The following DIXDC1 variants were observed in gnomAD, a reference collection of about 807,000 sequenced individuals.
DIXDC1 encodes the protein dixin.
In DIXDC1, 64 loss-of-function variants were observed where a neutral mutation model predicts 103.1. That is an observed-to-expected ratio of 0.62 (90% CI 0.51 to 0.76). The LOEUF (loss-of-function observed/expected upper bound fraction) is 0.76, where lower values mean the gene tolerates loss of function less well. Ranked by LOEUF, DIXDC1 falls within the 30% of genes least tolerant of loss-of-function variation. DIXDC1 has a pLI of 0.00. For synonymous variants in DIXDC1, 266 were observed against 298.5 expected (o/e 0.89, Z 1.12); for missense variants, 759 against 834.2 (o/e 0.91, Z 1.11).
In DIXDC1 at chr11:112,017,540, G is replaced by A; in HGVS notation, c.1863-237G>A. The A allele has an allele frequency of 3.6e-6, 1 of 276,538 alleles. No individual in the cohort carries two copies. Among genetic ancestry groups the A allele is most frequent in the Non-Finnish European group, 6.8e-6 (1 of 146,828 alleles). 17.1% of individuals were successfully genotyped at this position (276,538 alleles called of 1,614,324 possible). ...AGAGAAAAGTGATTTGGCTTCTGAA[G>A]CAATAAGTCAATTTTAAATTCTCAC... On this transcript the variant is annotated intron_variant, in intron 18 of 19. Coordinates refer to ENST00000440460, the MANE Select transcript of DIXDC1 (RefSeq NM_001037954.4). This position sits in a 1 kb window ranked among gnomAD's most constrained non-coding sequence, Gnocchi z 4.0.
At chr11:111,967,614 A>G (rs1859781206) in intron 2 of DIXDC1, among the ~76,000 whole-genome samples, 1 of 152,224 alleles carries the variant, frequency 6.6e-6, no homozygotes, top group African/African-American at 2.4e-5. Context: ...TTATTTTTGT[A>G]GAGACGGGGT....
intron 3 of DIXDC1, among the ~76,000 whole-genome samples, chr11:111,969,858 C>T (rs1281145997): frequency 2.0e-5 from 3 of 152,084 alleles, no homozygotes; most frequent in African/African-American, 7.2e-5. Context: ...TACTGGCAGT[C>T]CTAGCCAGAG....
chr11:111,954,596 T>C (rs1555170391), intron 1 of DIXDC1, among the ~76,000 whole-genome samples: 1 of 152,212 alleles, frequency 6.6e-6, no homozygotes, highest in Non-Finnish European at 1.5e-5. Flanking sequence ...TGAGCATATA[T>C]GGATTTGGTA....
At chr11:111,938,841 C>A (rs1966310318) in intron 1 of DIXDC1, among the ~76,000 whole-genome samples, 1 of 152,222 alleles carries the variant, frequency 6.6e-6, no homozygotes, top group African/African-American at 2.4e-5. Flanking sequence ...AGGGGTGTCA[C>A]AACCTTCACT....
intron 1 of DIXDC1, among the ~76,000 whole-genome samples, chr11:111,956,863 T>G (rs891065410): frequency 6.6e-6 from 1 of 151,840 alleles, no homozygotes; most frequent in African/African-American, 2.4e-5. Context: ...TATACTGATA[T>G]AAATAAATAA....
chr11:111,993,558 C>G lies in DIXDC1; in HGVS notation c.1335C>G (p.Leu445=). Residue 445 remains leucine, a synonymous_variant, in exon 13 of 20, where the codon CTC becomes CTG. Coordinates refer to ENST00000440460, the MANE Select transcript of DIXDC1 (RefSeq NM_001037954.4). ...ACCAGGCCAAGTTAGAAGAAGCACT[C>G]CGGAAACTCTCTGATGTCAGTTACC... ...QQHQAKLEEA[L]RKLSDVSYHQ... 6 of 1,614,008 alleles carry G rather than the reference C, an allele frequency of 3.7e-6. No individual in the cohort carries two copies. The highest frequency in any genetic ancestry group is 5.1e-6 in the Non-Finnish European group (6 of 1,179,888).
intron 17 of DIXDC1, 144 bp downstream of exon 17, chr11:111,996,290 G>C (rs1860896655): frequency 1.5e-6 from 1 of 686,416 alleles, no homozygotes; most frequent in African/African-American, 1.8e-5. Flanking sequence ...TACTGCAATT[G>C]AGTTAGTTCT....
chr11:111,941,612 T>A (rs1475692893), intron 1 of DIXDC1, among the ~76,000 whole-genome samples: 2 of 151,604 alleles, frequency 1.3e-5, no homozygotes, highest in East Asian at 3.9e-4. Context: ...GCCCGGGAGT[T>A]CAAGACCAGC....
At chr11:111,984,054 A>G (rs1161391430) in intron 7 of DIXDC1, among the ~76,000 whole-genome samples, 2 of 152,140 alleles carry the variant, frequency 1.3e-5, no homozygotes, top group Non-Finnish European at 2.9e-5. Flanking sequence ...ACCTGTTGCC[A>G]TGACTGGTGA....
Position 111,974,982 on chromosome 11 carries a change from A to G in DIXDC1, c.655A>G (p.Ser219Gly), listed in dbSNP as rs782641618. The G allele has an allele frequency of 2.5e-6, 4 of 1,610,056 alleles. No individual in the cohort carries two copies. The highest frequency in any genetic ancestry group is 3.4e-6 in the Non-Finnish European group (4 of 1,178,514). The change falls in exon 5 of 20, where the codon AGC becomes GGC. Residue 219 changes from serine (S) to glycine (G), a missense_variant and splice_region_variant. This residue lies in a region of DIXDC1 where 657 missense variants were observed against 727.5 expected (regional missense o/e 0.90). Transcript: ENST00000440460. ...QRSPSESSCSSLTSPSPIHSA... is the reference protein window; with the variant it reads ...QRSPSESSCSGLTSPSPIHSA... ...GTCCCCGTCTGAATCCAGCTGCTCC[A>G]GGTAACTGTGGCCTCTGAAACCTGA...
Position 111,967,579 on chromosome 11 carries a change from C to T in DIXDC1, c.191-934C>T, listed in dbSNP as rs139679085. Among the ~76,000 whole-genome samples the T allele has an allele frequency of 1.2e-3, 185 of 152,312 alleles. 1 individual carries two copies. The highest frequency in any genetic ancestry group is 3.9e-3 in the African/African-American group (162 of 41,566). On this transcript the variant is annotated intron_variant, in intron 2 of 19. Coordinates refer to ENST00000440460, the MANE Select transcript of DIXDC1 (RefSeq NM_001037954.4). ...TTCCTCTCTCCATAGTCTATTTCCA[C>T]GCAGAGTCCATTTTATTTATTTTAT... is the stretch of plus-strand genomic sequence containing the variant.
chr11:111,936,500 TTTAGCAGTTATTTTA>T (rs1966189927), upstream of DIXDC1, among the ~76,000 whole-genome samples: 1 of 152,218 alleles, frequency 6.6e-6, no homozygotes. Context: ...GGTTGTATAT[TTTAGCAGTTATTTTA>T]TAAAGAATGA....
chr11:111,995,321 A>G, intron 15 of DIXDC1, 82 bp from the exon 16 acceptor site: 1 of 1,550,674 alleles, frequency 6.4e-7, no homozygotes, highest in Non-Finnish European at 8.7e-7. Context: ...TCTTCTGGAA[A>G]CTTCTCTCCT....
intron 9 of DIXDC1, among the ~76,000 whole-genome samples, chr11:111,987,142 C>T (rs889499680): frequency 2.0e-5 from 3 of 151,510 alleles, no homozygotes; most frequent in Admixed American, 6.6e-5. Flanking sequence ...CCCAGCTACT[C>T]GGGAGGCTGA....
chr11:111,937,139 GGGT>G, upstream of DIXDC1: 8 of 745,906 alleles, frequency 1.1e-5, no homozygotes, highest in Non-Finnish European at 1.3e-5. Context: ...GGCGGGGGGG[GGGT>G]GTGCGCGTGC....
At chr11:111,992,308 C>T in intron 10 of DIXDC1, 107 bp from the exon 11 acceptor site, 1 of 987,808 alleles carries the variant, frequency 1.0e-6, no homozygotes, top group Non-Finnish European at 1.5e-6. Context: ...GTCTTCCAGT[C>T]TGCCATAACG....
At chr11:111,990,137 C>A (rs374153372) in intron 10 of DIXDC1, among the ~76,000 whole-genome samples, 89 of 143,610 alleles carry the variant, frequency 6.2e-4, no homozygotes, top group African/African-American at 2.2e-3. Flanking sequence ...GTCGCCCAAG[C>A]TGGAGTGCAG....
At chr11:111,941,860 A>ACACACACACC (rs1555168889) in intron 1 of DIXDC1, among the ~76,000 whole-genome samples, 3 of 151,732 alleles carry the variant, frequency 2.0e-5, no homozygotes, top group African/African-American at 7.3e-5. Flanking sequence ...ACACACACAC[A>ACACACACACC]CACACACACA....
Position 111,977,419 on chromosome 11 carries a change from G to A in DIXDC1, c.656+2436G>A. 1 of 1,175,524 alleles carries A rather than the reference G, an allele frequency of 8.5e-7. No homozygotes were observed. The highest frequency in any genetic ancestry group is 1.1e-6 in the Non-Finnish European group (1 of 949,506). 72.8% of individuals were successfully genotyped at this position (1,175,524 alleles called of 1,614,324 possible). A position where few individuals can be genotyped will look rare whatever the true frequency, so the allele number is the denominator to read the frequency against. On this transcript the variant is annotated intron_variant, in intron 5 of 19. Coordinates refer to ENST00000440460, the MANE Select transcript of DIXDC1 (RefSeq NM_001037954.4). This position sits in a 1 kb window ranked among gnomAD's most constrained non-coding sequence, Gnocchi z 6.1. ...TGGGTTGAGATGCCCCCGCCAGGGG[G>A]GATGCCCGGCACCGTGCGTCCGCGG...
Sources: allele counts gnomAD v4.1 joint callset (sites outside exome capture counted in the v4.1 genomes callset), GRCh38; gene constraint gnomAD v4.1.1; regional missense constraint gnomAD v4.1.1; non-coding constraint Gnocchi (gnomAD v3.1); transcripts MANE v1.5; gene names NCBI Gene and HGNC (gene_info 2026-07-23, HGNC 2026-07-21).